Variants in CUX1 observed in about 807,000 individuals in gnomAD.
CUX1 encodes cut like homeobox 1, also known as protein CASP.
A neutral mutation model predicts 158.8 loss-of-function variants in CUX1; 31 were observed. The ratio of observed to expected loss-of-function variants is 0.20; its 90% CI spans 0.15 to 0.26. The LOEUF (loss-of-function observed/expected upper bound fraction) is 0.26. Among genes scored for constraint, CUX1 ranks in the 10% least tolerant of loss-of-function variants. The pLI, the probability that CUX1 is intolerant of heterozygous loss-of-function variation, is 1.00. For missense variants in CUX1, 1,589 were observed against 2,014.6 expected (o/e 0.79, Z 4.04); for synonymous variants, 879 against 862.1 (o/e 1.02, Z -0.34).
At chr7:102,200,996 C>T (rs1350116364) in intron 17 of CUX1, among the ~76,000 whole-genome samples, 1 of 135,748 alleles carries the variant, frequency 7.4e-6, no homozygotes, top group African/African-American at 2.9e-5. Context: ...CACTGCGCTC[C>T]AGCCTGGACA....
rs975213955 is a variant in CUX1, at chr7:102,250,872, A to G, written c.*1830A>G. 17 of 985,374 alleles carry G rather than the reference A, an allele frequency of 1.7e-5. No individual in the cohort carries two copies. Among genetic ancestry groups the G allele is most frequent in the Admixed American group, 6.2e-5 (1 of 16,258 alleles). 61.0% of individuals were successfully genotyped at this position (985,374 alleles called of 1,614,324 possible). ...GAGTGCATTACTGCCACCTTTTTCA[A>G]TAAGCTGTTTTATCAGTTACGGCTT... On this transcript the variant is annotated 3_prime_UTR_variant, in exon 24 of 24. Coordinates refer to ENST00000292535, the MANE Select transcript of CUX1 (RefSeq NM_181552.4).
intron 9 of CUX1, among the ~76,000 whole-genome samples, chr7:102,161,580 C>A (rs554420434): frequency 5.2e-4 from 79 of 152,260 alleles, no homozygotes; most frequent in Middle Eastern, 3.4e-3. Context: ...AGCAAGGAGT[C>A]CGTGCCTAGG....
intron 1 of CUX1, among the ~76,000 whole-genome samples, chr7:101,862,229 A>G (rs561837152): frequency 2.0e-4 from 31 of 151,554 alleles, no homozygotes; most frequent in African/African-American, 4.8e-4. Flanking sequence ...CTCAAGAAAC[A>G]TCTATGGAGC....
chr7:101,872,526 G>A (rs1261971074), intron 1 of CUX1, among the ~76,000 whole-genome samples: 2 of 143,650 alleles, frequency 1.4e-5, no homozygotes, highest in Non-Finnish European at 1.5e-5. Context: ...TAGAGTGGGG[G>A]CTTCTATGAT....
At chr7:102,129,182 C>A (rs186666220) in intron 8 of CUX1, among the ~76,000 whole-genome samples, 1 of 152,126 alleles carries the variant, frequency 6.6e-6, no homozygotes, top group Non-Finnish European at 1.5e-5. Context: ...AATCATTATC[C>A]GCACTGCAAG....
At chr7:101,952,406 A>ATTC (rs1217971474) in intron 2 of CUX1, among the ~76,000 whole-genome samples, 1 of 152,130 alleles carries the variant, frequency 6.6e-6, no homozygotes, top group East Asian at 1.9e-4. Flanking sequence ...AAAAGTACAG[A>ATTC]TTCTCGGGTC....
chr7:102,034,127 CAG>C (rs1463180738), intron 3 of CUX1, among the ~76,000 whole-genome samples: 10 of 110,206 alleles, frequency 9.1e-5, no homozygotes, highest in Admixed American at 2.8e-4. Context: ...GCCCAGGTGA[CAG>C]AGCGAGACTC....
intron 2 of CUX1, among the ~76,000 whole-genome samples, chr7:102,027,339 C>A (rs1226623101): frequency 6.6e-6 from 1 of 152,012 alleles, no homozygotes; most frequent in Non-Finnish European, 1.5e-5. Flanking sequence ...TGCCACTGCA[C>A]TCCAGATTAG....
chr7:101,941,865 A>G (rs905534511), intron 2 of CUX1, among the ~76,000 whole-genome samples: 15 of 152,256 alleles, frequency 9.9e-5, no homozygotes, highest in Admixed American at 3.9e-4. Flanking sequence ...TGCAAACCTG[A>G]AAAGAGCAGA....
intron 1 of CUX1, among the ~76,000 whole-genome samples, chr7:101,842,433 G>A (rs942123511): frequency 6.6e-6 from 1 of 152,140 alleles, no homozygotes; most frequent in Non-Finnish European, 1.5e-5. Context: ...CATCACCCAG[G>A]CTGGCACGCA....
chr7:102,105,025 G>A (rs553281591), intron 6 of CUX1, among the ~76,000 whole-genome samples: 37 of 152,346 alleles, frequency 2.4e-4, no homozygotes, highest in African/African-American at 8.7e-4. Flanking sequence ...TGAAGCTCAA[G>A]GCATGAGTCG....
At chr7:102,068,438 T>C (rs1221850859) in intron 3 of CUX1, among the ~76,000 whole-genome samples, 1 of 42,400 alleles carries the variant, frequency 2.4e-5, no homozygotes, top group Non-Finnish European at 3.9e-5. Flanking sequence ...CCTTATCTTA[T>C]CGGGTTGAGG....
At chr7:102,011,005 C>G (rs1817940744) in intron 2 of CUX1, among the ~76,000 whole-genome samples, 1 of 151,956 alleles carries the variant, frequency 6.6e-6, no homozygotes. Flanking sequence ...CCCAGCTACT[C>G]AGGAGGCTGA....
At chr7:102,021,163 G>T (rs61119409) in intron 2 of CUX1, among the ~76,000 whole-genome samples, 3 of 152,080 alleles carry the variant, frequency 2.0e-5, no homozygotes, top group African/African-American at 4.8e-5. Context: ...AGGAGAAAGG[G>T]TCCCACCCCT....
At chr7:101,994,429 C>T (rs544767061) in intron 2 of CUX1, among the ~76,000 whole-genome samples, 5 of 152,200 alleles carry the variant, frequency 3.3e-5, no homozygotes, top group African/African-American at 1.2e-4. Context: ...CATGGTACCC[C>T]GTCTCTATTA....
At chr7:101,932,900 T>A (rs1458895947) in intron 2 of CUX1, among the ~76,000 whole-genome samples, 1 of 152,238 alleles carries the variant, frequency 6.6e-6, no homozygotes, top group African/African-American at 2.4e-5. Context: ...TTTTTGCCAC[T>A]CTAAGGAGAG....
chr7:101,909,983 C>G (rs1046853054), intron 1 of CUX1, among the ~76,000 whole-genome samples: 1 of 152,066 alleles, frequency 6.6e-6, no homozygotes, highest in African/African-American at 2.4e-5. Context: ...GCGGTGGCAC[C>G]ATCTCAGCTC....
At position 101,869,874 on chromosome 7, in the gene CUX1, T is replaced by C. The variant is rs1469517753; in HGVS notation, c.31-46241T>C. On this transcript the variant is annotated intron_variant, in intron 1 of 23. Transcript: ENST00000292535. The surrounding 1 kb of genome is among the most constrained non-coding windows in gnomAD (Gnocchi z 4.5). ...CTCTTGTTAAGACGCGCTCCGCCCC[T>C]GTGTCCTTATTTCCCACCGTGGTGG... Among the ~76,000 whole-genome samples the C allele has an allele frequency of 1.3e-5, 2 of 152,248 alleles. No individual in the cohort carries two copies. Among genetic ancestry groups the C allele is most frequent in the East Asian group, 3.9e-4 (2 of 5,178 alleles).
chr7:102,021,111 C>T (rs911301352), intron 2 of CUX1, among the ~76,000 whole-genome samples: 4 of 152,022 alleles, frequency 2.6e-5, no homozygotes, highest in Admixed American at 1.3e-4. Context: ...TCACTACCCC[C>T]ACCCTGCCCT....
Sources: allele counts gnomAD v4.1 joint callset (sites outside exome capture counted in the v4.1 genomes callset), GRCh38; gene constraint gnomAD v4.1.1; non-coding constraint Gnocchi (gnomAD v3.1); transcripts MANE v1.5; gene names NCBI Gene and HGNC (gene_info 2026-07-23, HGNC 2026-07-21).